Variants in KIFAP3 observed in about 807,000 individuals in gnomAD.
KIFAP3 encodes the protein kinesin associated protein 3.
Under a neutral mutation model 106.5 loss-of-function variants are expected in KIFAP3, and 68 were observed. The ratio of observed to expected loss-of-function variants is 0.64; its 90% CI spans 0.53 to 0.78. The LOEUF is 0.78. KIFAP3 is among the 30% of genes least tolerant of loss of function. The probability of loss-of-function intolerance (pLI) is 0.00; values close to 1 mark genes in which losing one functional copy is unlikely to be tolerated. For missense variants in KIFAP3, 780 were observed against 941.8 expected, an observed-to-expected ratio of 0.83 and a Z score of 2.25; for synonymous variants, 320 against 311.5, an observed-to-expected ratio of 1.03 and a Z score of -0.29.
intron 19 of KIFAP3, among the ~76,000 whole-genome samples, chr1:169,928,723 T>TAAAAAAAA (rs1258694998): frequency 6.0e-4 from 39 of 65,366 alleles, no homozygotes; most frequent in African/African-American, 1.3e-3. Flanking sequence ...AAAAAAAAAT[T>TAAAAAAAA]AAAGTTATAC....
intron 11 of KIFAP3, chr1:169,990,167 T>C (rs1667026740): frequency 6.8e-7 from 1 of 1,466,720 alleles, no homozygotes; most frequent in Non-Finnish European, 9.2e-7. Flanking sequence ...CAGTATGAAA[T>C]GAGAACACTT....
rs760753110 is a variant in KIFAP3, at chr1:170,038,336, C to A, written c.471G>T (p.Leu157=). The change falls in exon 5 of 20, where the codon CTG becomes CTT. Residue 157 remains leucine, a synonymous_variant. Transcript: ENST00000361580. ...PDKVRGSALI[L]QLARNPDNLE... Reference sequence around the variant, plus strand: ...AGTTATCAGGATTTCGAGCAAGCTGCAGGATCAAAGCAGAACCCCGAACTT... The same window carrying A: ...AGTTATCAGGATTTCGAGCAAGCTGAAGGATCAAAGCAGAACCCCGAACTT... The A allele has an allele frequency of 7.1e-5, 114 of 1,608,570 alleles. No homozygotes were observed. The highest frequency in any genetic ancestry group is 9.2e-5 in the Non-Finnish European group (109 of 1,178,982).
chr1:170,003,338 G>A (rs1667762712), intron 10 of KIFAP3, among the ~76,000 whole-genome samples: 1 of 152,132 alleles, frequency 6.6e-6, no homozygotes, highest in African/African-American at 2.4e-5. Context: ...ACTGATACAT[G>A]AGAAAGCTAT....
At chr1:170,008,394 A>G (rs1668078062) in intron 10 of KIFAP3, among the ~76,000 whole-genome samples, 1 of 151,628 alleles carries the variant, frequency 6.6e-6, no homozygotes, top group Non-Finnish European at 1.5e-5. Flanking sequence ...AATATCCAGA[A>G]TCTACAAGGA....
chr1:169,941,042 TA>T (rs1249672583), intron 19 of KIFAP3, among the ~76,000 whole-genome samples: 1 of 152,144 alleles, frequency 6.6e-6, no homozygotes, highest in Non-Finnish European at 1.5e-5. Flanking sequence ...TGGGCAGATT[TA>T]AAGTTGCAAA....
At chr1:170,050,062 T>C (rs1395233866) in intron 2 of KIFAP3, among the ~76,000 whole-genome samples, 2 of 152,126 alleles carry the variant, frequency 1.3e-5, no homozygotes, top group Non-Finnish European at 2.9e-5. Flanking sequence ...AAGGAGCATG[T>C]TCTAACCCAA....
chr1:170,076,659 A>G (rs1260709511), upstream of KIFAP3, among the ~76,000 whole-genome samples: 1 of 152,250 alleles, frequency 6.6e-6, no homozygotes, highest in Non-Finnish European at 1.5e-5. Flanking sequence ...GAAATAAACC[A>G]GATTTCACCT....
At chr1:169,927,308 G>A (rs1663197903) in intron 19 of KIFAP3, among the ~76,000 whole-genome samples, 1 of 152,130 alleles carries the variant, frequency 6.6e-6, no homozygotes, top group African/African-American at 2.4e-5. Context: ...AGGATTGGAG[G>A]CACCTAACAT....
chr1:169,984,328 A>C (rs1253064887), intron 12 of KIFAP3, among the ~76,000 whole-genome samples: 16 of 151,832 alleles, frequency 1.1e-4, no homozygotes, highest in Admixed American at 1.1e-3. Context: ...CATTTTATCT[A>C]GAAAATGTTT....
chr1:169,968,852 A>AT (rs1043354365), intron 17 of KIFAP3, among the ~76,000 whole-genome samples: 1 of 151,636 alleles, frequency 6.6e-6, no homozygotes, highest in African/African-American at 2.4e-5. Flanking sequence ...AGTAACATGC[A>AT]TAACAGGTAG....
At chr1:170,082,548 A>T (rs1672036730) in intron 1 of KIFAP3, among the ~76,000 whole-genome samples, 2 of 152,232 alleles carry the variant, frequency 1.3e-5, no homozygotes, top group South Asian at 2.1e-4. Flanking sequence ...TGTAAATTTT[A>T]AAAATTTTGT....
chr1:169,991,571 G>C (rs1304561167), intron 11 of KIFAP3, among the ~76,000 whole-genome samples: 1 of 152,060 alleles, frequency 6.6e-6, no homozygotes, highest in Non-Finnish European at 1.5e-5. Context: ...TTTCTTAGAA[G>C]ATATTTTGGC....
intron 1 of KIFAP3, among the ~76,000 whole-genome samples, chr1:170,072,728 A>C (rs551812942): frequency 6.6e-6 from 1 of 152,144 alleles, no homozygotes; most frequent in African/African-American, 2.4e-5. Context: ...CATGGTCAAA[A>C]AACAATAATT....
chr1:170,012,516 A>C (rs1356245722), intron 10 of KIFAP3, among the ~76,000 whole-genome samples: 1 of 152,220 alleles, frequency 6.6e-6, no homozygotes, highest in African/African-American at 2.4e-5. Context: ...AAATTTAAGA[A>C]AATACTTTAG....
intron 1 of KIFAP3, chr1:170,068,669 C>T (rs1671563189): frequency 6.6e-6 from 1 of 151,586 alleles, no homozygotes; most frequent in Non-Finnish European, 1.5e-5. Flanking sequence ...AAAAAACAGT[C>T]AAAAACTTCC....
upstream of KIFAP3, chr1:170,074,727 C>T: frequency 7.3e-7 from 1 of 1,366,304 alleles, no homozygotes; most frequent in Non-Finnish European, 9.5e-7. Context: ...TGCGCTTGCT[C>T]TGCACCTCTT....
At chr1:170,058,565 G>A (rs931211872) in intron 1 of KIFAP3, among the ~76,000 whole-genome samples, 27 of 152,146 alleles carry the variant, frequency 1.8e-4, no homozygotes, top group Non-Finnish European at 3.5e-4. Context: ...TCTATTCACT[G>A]CTCATATGTC....
intron 19 of KIFAP3, among the ~76,000 whole-genome samples, chr1:169,941,974 A>C (rs1162483338): frequency 1.3e-5 from 2 of 152,198 alleles, no homozygotes; most frequent in East Asian, 3.8e-4. Context: ...TATTCAACAT[A>C]TTCATAGTAT....
chr1:170,040,864 G>T (rs1669938445), intron 3 of KIFAP3, among the ~76,000 whole-genome samples: 1 of 148,898 alleles, frequency 6.7e-6, no homozygotes, highest in Non-Finnish European at 1.5e-5. Context: ...GTCTCGCTCT[G>T]TGCCAGGATG....
Sources: allele counts gnomAD v4.1 joint callset (sites outside exome capture counted in the v4.1 genomes callset), GRCh38; gene constraint gnomAD v4.1.1; transcripts MANE v1.5; gene names NCBI Gene and HGNC (gene_info 2026-07-23, HGNC 2026-07-21).